The following TBC1D30 variants were observed in gnomAD, a reference collection of about 807,000 sequenced individuals.
TBC1D30 encodes the protein TBC1 domain family member 30.
TBC1D30 carries 31 observed loss-of-function variants against 63.2 expected under a neutral mutation model. The observed-to-expected ratio is 0.49, with a 90% confidence interval of 0.37 to 0.66. The LOEUF (loss-of-function observed/expected upper bound fraction) is 0.66, where lower values mean the gene tolerates loss of function less well. Ranked by LOEUF, TBC1D30 falls within the 30% of genes least tolerant of loss-of-function variation. TBC1D30 has a pLI of 0.00. For synonymous variants in TBC1D30, 307 were observed against 361.5 expected (o/e 0.85, Z 1.71); for missense variants, 810 against 953.6 (o/e 0.85, Z 1.98).
At chr12:64,861,626 A>AT (rs149614238) in intron 8 of TBC1D30, among the ~76,000 whole-genome samples, 35 of 151,340 alleles carry the variant, frequency 2.3e-4, no homozygotes, top group East Asian at 1.9e-3. Context: ...TGTTTGTTTG[A>AT]TTTTTTTTTA....
intron 2 of TBC1D30, among the ~76,000 whole-genome samples, chr12:64,813,275 A>G (rs1873323558): frequency 1.3e-5 from 2 of 152,104 alleles, no homozygotes; most frequent in African/African-American, 4.8e-5. Flanking sequence ...CTGTAGTCCC[A>G]GCTACTCGGG....
In TBC1D30 at chr12:64,875,597, C is replaced by A. The variant is rs763576802; in HGVS notation, c.2095C>A (p.Pro699Thr). 6.5e-7 allele frequency: 1 copy of A among 1,536,196 alleles called. No individual in the cohort carries two copies. The highest frequency in any genetic ancestry group is 8.7e-7 in the Non-Finnish European group (1 of 1,146,916). Residue 699 changes from proline to threonine, a missense_variant, in exon 12 of 12, where the codon CCC (proline) becomes ACC (threonine). Physicochemically the swap from Pro to Thr is conservative, Grantham distance 38 (BLOSUM62 -1). Around this residue, in one of 4 missense-constraint regions of TBC1D30, gnomAD observed 450 missense variants for 473.0 expected, o/e 0.95. Coordinates refer to ENST00000539867, the MANE Select transcript of TBC1D30 (RefSeq NM_015279.2). Reference protein sequence around the residue: ...PEENKATSKAPQGSNSKTPIF... With the variant: ...PEENKATSKATQGSNSKTPIF... ...AGAAAACAAAGCCACCAGCAAAGCT[C>A]CCCAAGGCAGCAACTCAAAAACCCC...
intron 1 of TBC1D30, among the ~76,000 whole-genome samples, chr12:64,767,253 G>A (rs1870745526): frequency 6.6e-6 from 1 of 151,938 alleles, no homozygotes; most frequent in Non-Finnish European, 1.5e-5. Flanking sequence ...AGCAAAAGCT[G>A]ATTCTTTGGA....
At chr12:64,861,973 C>T (rs12809833) in intron 8 of TBC1D30, among the ~76,000 whole-genome samples, 10,930 of 152,108 alleles carry the variant, frequency 0.072, 764 homozygotes, top group African/African-American at 0.18. Flanking sequence ...AAATTGAAAC[C>T]GTCTGTCCTG....
chr12:64,819,643 G>C (rs1232945277), intron 2 of TBC1D30, among the ~76,000 whole-genome samples: 1 of 151,802 alleles, frequency 6.6e-6, no homozygotes, highest in Non-Finnish European at 1.5e-5. Flanking sequence ...TCAGTCTCCC[G>C]AAGTGCTGAG....
chr12:64,836,520 C>A lies in TBC1D30; in HGVS notation c.625C>A (p.Pro209Thr). 6.5e-7 allele frequency: 1 copy of A among 1,535,614 alleles called. No individual in the cohort carries two copies. Among genetic ancestry groups the A allele is most frequent in the Non-Finnish European group, 8.7e-7 (1 of 1,146,652 alleles). The change falls in exon 6 of 12, where the codon CCC becomes ACC. Residue 209 changes from proline (P) to threonine (T), a missense_variant. Around this residue, in one of 4 missense-constraint regions of TBC1D30, gnomAD observed 272 missense variants for 335.9 expected, o/e 0.81. Coordinates refer to ENST00000539867, the MANE Select transcript of TBC1D30 (RefSeq NM_015279.2). ...IMIYLIDKVL[P>T]ESYFVNNLRA... ...GATTTACCTTATTGATAAGGTACTT[C>A]CCGAAAGCTATTTCGTCAATAATCT... is the stretch of plus-strand genomic sequence containing the variant.
intron 1 of TBC1D30, among the ~76,000 whole-genome samples, chr12:64,763,825 G>A (rs995123872): frequency 2.6e-5 from 4 of 151,786 alleles, no homozygotes; most frequent in South Asian, 4.2e-4. Context: ...GTCTGGTCTC[G>A]AACTCCTGAC....
At chr12:64,825,983 C>T (rs1020837566) in intron 1 of TBC1D30, among the ~76,000 whole-genome samples, 1 of 152,210 alleles carries the variant, frequency 6.6e-6, no homozygotes, top group Non-Finnish European at 1.5e-5. Flanking sequence ...ACTGCCTTTC[C>T]CAACCTCGTG....
At chr12:64,789,161 CCTT>C (rs903837526) in intron 2 of TBC1D30, among the ~76,000 whole-genome samples, 3 of 149,426 alleles carry the variant, frequency 2.0e-5, no homozygotes, top group Non-Finnish European at 3.0e-5. Context: ...TGACTTTTCC[CCTT>C]CTTCTTCCTT....
chr12:64,822,707 G>A (rs1305252865), upstream of TBC1D30, among the ~76,000 whole-genome samples: 2 of 127,354 alleles, frequency 1.6e-5, no homozygotes, highest in Non-Finnish European at 3.3e-5. Flanking sequence ...ATGGGGGTTT[G>A]CCATGTTGTC....
chr12:64,859,425 G>A (rs1358653161), intron 8 of TBC1D30, among the ~76,000 whole-genome samples: 1 of 152,154 alleles, frequency 6.6e-6, no homozygotes, highest in African/African-American at 2.4e-5. Context: ...TTAAGGAGAG[G>A]AGGAAAATGG....
chr12:64,854,261 T>G (rs1877111416), intron 8 of TBC1D30, among the ~76,000 whole-genome samples: 1 of 152,156 alleles, frequency 6.6e-6, no homozygotes, highest in African/African-American at 2.4e-5. Context: ...GTTTTTTGAT[T>G]TGAGGTTACC....
chr12:64,788,874 T>C (rs1871751639), intron 2 of TBC1D30, among the ~76,000 whole-genome samples: 2 of 152,184 alleles, frequency 1.3e-5, no homozygotes, highest in East Asian at 1.9e-4. Context: ...TATTTTGATA[T>C]AGACACTGTC....
chr12:64,808,371 T>C (rs1246773981), intron 2 of TBC1D30, among the ~76,000 whole-genome samples: 1 of 152,206 alleles, frequency 6.6e-6, no homozygotes, highest in Non-Finnish European at 1.5e-5. Context: ...TGCAATACTC[T>C]ATTTCCTGGT....
chr12:64,825,115 T>G, intron 1 of TBC1D30, 82 bp downstream of exon 1: 1 of 1,450,244 alleles, frequency 6.9e-7, no homozygotes, highest in Non-Finnish European at 9.1e-7. Flanking sequence ...TGACTCCGTC[T>G]AGGCCGGGGA....
intron 5 of TBC1D30, among the ~76,000 whole-genome samples, chr12:64,832,725 G>A (rs149983452): frequency 4.7e-4 from 71 of 152,212 alleles, no homozygotes; most frequent in African/African-American, 1.6e-3. Context: ...GGCTCAATTG[G>A]GGGTGGGCAT....
At chr12:64,789,183 TC>T (rs67494736) in intron 2 of TBC1D30, among the ~76,000 whole-genome samples, 12,324 of 138,552 alleles carry the variant, frequency 0.089, 2,022 homozygotes, top group African/African-American at 0.3. Flanking sequence ...TTCTTCTTCT[TC>T]TTTTTTTTTT....
At chr12:64,786,719 G>T (rs1232214439) in intron 2 of TBC1D30, among the ~76,000 whole-genome samples, 1 of 151,980 alleles carries the variant, frequency 6.6e-6, no homozygotes, top group Non-Finnish European at 1.5e-5. Flanking sequence ...TGGAGGCCGA[G>T]GCTGGTGGAT....
At chr12:64,806,126 G>A (rs964034202) in intron 2 of TBC1D30, among the ~76,000 whole-genome samples, 2 of 152,244 alleles carry the variant, frequency 1.3e-5, no homozygotes, top group Non-Finnish European at 2.9e-5. Context: ...TGTATGTACT[G>A]TTCAATTTCA....
Sources: gnomAD v4.1 joint callset for allele counts (sites outside exome capture counted in the v4.1 genomes callset) on GRCh38, gnomAD v4.1.1 for gene constraint, gnomAD v4.1.1 regional missense constraint, MANE v1.5 for transcripts, NCBI Gene and HGNC (gene_info 2026-07-23, HGNC 2026-07-21) for gene names.